The following PHF8 variants were observed in gnomAD, a reference collection of about 807,000 sequenced individuals.
The protein encoded by PHF8 is PHD finger protein 8, also known as histone lysine demethylase PHF8.
Under a neutral mutation model 74.4 loss-of-function variants are expected in PHF8, and 9 were observed. That is an observed-to-expected ratio of 0.12 (90% CI 0.07 to 0.21). The LOEUF is 0.21. Ranked by LOEUF, PHF8 falls within the 10% of genes least tolerant of loss-of-function variation. The pLI is 1.00. For synonymous variants in PHF8, 311 were observed against 316.6 expected, an observed-to-expected ratio of 0.98 and a Z score of 0.19; for missense variants, 478 against 816.6, an observed-to-expected ratio of 0.59 and a Z score of 5.05.
chrX:54,023,414 A>G (rs1344733424), intron 2 of PHF8, among the ~76,000 whole-genome samples: 2 of 111,678 alleles, frequency 1.8e-5, no homozygotes, highest in Admixed American at 1.9e-4. Flanking sequence ...ATTTCCTACA[A>G]TAAACATCTG....
At chrX:54,037,794 G>T (rs1557114818) in intron 2 of PHF8, among the ~76,000 whole-genome samples, 1 of 112,480 alleles carries the variant, frequency 8.9e-6, no homozygotes, top group African/African-American at 3.2e-5. Context: ...AGGCGAAGTG[G>T]TTAGCATAGT....
chrX:53,998,463 TAAATA>T (rs373368055), intron 11 of PHF8, among the ~76,000 whole-genome samples: 38 of 109,163 alleles, frequency 3.5e-4, no homozygotes, highest in Middle Eastern at 9.3e-3. Flanking sequence ...CATAAATAAA[TAAATA>T]AAATAAAATA....
At chrX:53,964,449 G>A (rs1349766087) in intron 18 of PHF8, among the ~76,000 whole-genome samples, 1 of 111,618 alleles carries the variant, frequency 9.0e-6, no homozygotes, top group Non-Finnish European at 1.9e-5. Context: ...TTAAAAAAAG[G>A]AAAGCTATCA....
At chrX:54,029,894 C>G (rs370020633) in intron 2 of PHF8, among the ~76,000 whole-genome samples, 2 of 111,642 alleles carry the variant, frequency 1.8e-5, no homozygotes, top group African/African-American at 6.5e-5. Context: ...CACCACAGAA[C>G]ATTAAACCTC....
At chrX:54,007,747 A>C (rs1173654302) in intron 8 of PHF8, among the ~76,000 whole-genome samples, 2 of 112,413 alleles carry the variant, frequency 1.8e-5, no homozygotes, top group African/African-American at 6.5e-5. Context: ...AAGAGACAGC[A>C]ATAAGCATTG....
In PHF8 at chrX:53,938,810, C is replaced by A. The variant is rs1173681565; in HGVS notation, c.*348G>T. ...CTTCATGGCTCAGGCTCCTTCATAC[C>A]TCTCCTCATCCTGCCTTCCAGCTCT... On this transcript the variant is annotated 3_prime_UTR_variant, in exon 22 of 22. Coordinates refer to ENST00000338154, the MANE Select transcript of PHF8 (RefSeq NM_015107.3). 10 of 805,104 alleles carry A rather than the reference C, an allele frequency of 1.2e-5. No individual in the cohort carries two copies. The highest frequency in any genetic ancestry group is 1.5e-5 in the Non-Finnish European group (10 of 673,106). The allele number at this position is 805,104 out of a possible 1,213,427, so 66.3% of individuals were successfully genotyped here.
intron 18 of PHF8, among the ~76,000 whole-genome samples, chrX:53,963,965 G>C (rs782275454): frequency 6.3e-5 from 7 of 111,959 alleles, no homozygotes; most frequent in Non-Finnish European, 1.3e-4. Flanking sequence ...GTACACAATA[G>C]CAAAGACTTG....
intron 14 of PHF8, among the ~76,000 whole-genome samples, chrX:53,989,833 T>C (rs1303280467): frequency 2.7e-5 from 3 of 112,207 alleles, no homozygotes; most frequent in East Asian, 2.8e-4. Context: ...GCTTGATCCA[T>C]GGCAACTGCT....
At chrX:53,988,610 C>T (rs1419985451) in intron 14 of PHF8, among the ~76,000 whole-genome samples, 1 of 107,905 alleles carries the variant, frequency 9.3e-6, no homozygotes, top group Non-Finnish European at 1.9e-5. Flanking sequence ...GGATTTGTAT[C>T]CAAAAAAAAA....
At position 53,940,210 on chromosome X, in the gene PHF8, C is replaced by T; in HGVS notation, c.2956G>A (p.Val986Ile). 8.4e-7 allele frequency: 1 copy of T among 1,186,797 alleles called. No individual in the cohort carries two copies. Among genetic ancestry groups the T allele is most frequent in the Non-Finnish European group, 1.1e-6 (1 of 882,561 alleles). The change falls in exon 21 of 22, where the codon GTT becomes ATT. Residue 986 changes from valine to isoleucine, a missense_variant. Coordinates refer to ENST00000338154, the MANE Select transcript of PHF8 (RefSeq NM_015107.3). ...GVFLTQRRPS[V>I]GSQSNQAGQG... Reference sequence around the variant, plus strand: ...CCTGCCTGATTGCTCTGGGAGCCAACTGAAGGGCGCCGCTGGGTCAAGAAG... The same window carrying T: ...CCTGCCTGATTGCTCTGGGAGCCAATTGAAGGGCGCCGCTGGGTCAAGAAG...
At chrX:53,941,827 T>C (rs1304857402) in intron 20 of PHF8, among the ~76,000 whole-genome samples, 1 of 111,854 alleles carries the variant, frequency 8.9e-6, no homozygotes, top group Admixed American at 9.5e-5. Flanking sequence ...ATGAAGAAAC[T>C]GTGGCACAGA....
At chrX:53,948,053 G>C (rs2064857569) in intron 19 of PHF8, among the ~76,000 whole-genome samples, 1 of 111,611 alleles carries the variant, frequency 9.0e-6, no homozygotes, top group Non-Finnish European at 1.9e-5. Context: ...CCAAATTCCT[G>C]ACCCACAGAA....
intron 8 of PHF8, among the ~76,000 whole-genome samples, chrX:54,004,605 C>T (rs1354707365): frequency 1.8e-5 from 2 of 111,177 alleles, no homozygotes; most frequent in Admixed American, 1.9e-4. Context: ...AAGAAATACA[C>T]AAGAAACAAA....
At chrX:53,954,499 C>CAAAAAAAAAAAAAAAAAAAAAAAAAAAA (rs1180184175) in intron 19 of PHF8, among the ~76,000 whole-genome samples, 1 of 13,126 alleles carries the variant, frequency 7.6e-5, no homozygotes, top group Non-Finnish European at 1.4e-4. Context: ...GACTCTGTCT[C>CAAAAAAAAAAAAAAAAAAAAAAAAAAAA]AAAAAAAAAA....
At chrX:54,018,901 T>G (rs2066118843) in intron 4 of PHF8, among the ~76,000 whole-genome samples, 1 of 111,848 alleles carries the variant, frequency 8.9e-6, no homozygotes, top group African/African-American at 3.2e-5. Flanking sequence ...ATTACAGGCA[T>G]GAGCCACTGT....
At position 53,938,911 on chromosome X, in the gene PHF8, G is replaced by T; in HGVS notation, c.*247C>A. On this transcript the variant is annotated 3_prime_UTR_variant, in exon 22 of 22. Coordinates refer to ENST00000338154, the MANE Select transcript of PHF8 (RefSeq NM_015107.3). ...TGGACGAGTAGAAAAGAGGGTTCTA[G>T]TCAGCTGGAAACCTCTCCCATTTAC... The T allele has an allele frequency of 1.0e-6, 1 of 958,600 alleles. No homozygotes were observed. The highest frequency in any genetic ancestry group is 1.3e-6 in the Non-Finnish European group (1 of 767,107). The allele number at this position is 958,600 out of a possible 1,213,427, so 79.0% of individuals were successfully genotyped here. A position where few individuals can be genotyped will look rare whatever the true frequency, so the allele number is the denominator to read the frequency against.
chrX:54,014,101 G>A lies in PHF8; in HGVS notation c.783+276C>T, dbSNP rs188099384. On this transcript the variant is annotated intron_variant, in intron 7 of 21. Coordinates refer to ENST00000338154, the MANE Select transcript of PHF8 (RefSeq NM_015107.3). ...CTCCCAAGTAGCTGGGACTACAGGC[G>A]CCTGCCACCAAGCCCGGCTAATTTT... 1.2e-4 allele frequency among the ~76,000 whole-genome samples: 13 copies of A among 109,370 alleles called. No homozygotes were observed. The East Asian group carries it at 2.6e-3, about 22-fold the overall frequency. The allele number at this position is 109,370 out of a possible 115,157, so 95.0% of individuals were successfully genotyped here.
At chrX:53,962,769 T>G (rs1210071549) in intron 19 of PHF8, 75 bp downstream of exon 19, 5 of 601,003 alleles carry the variant, frequency 8.3e-6, no homozygotes, top group Non-Finnish European at 1.5e-5. Flanking sequence ...TCTTCTGATA[T>G]TAAATATCCC....
At chrX:54,001,791 C>T (rs2065831393) in intron 10 of PHF8, among the ~76,000 whole-genome samples, 1 of 110,146 alleles carries the variant, frequency 9.1e-6, no homozygotes, top group Non-Finnish European at 1.9e-5. Context: ...GGGCCCATGC[C>T]TGTAGTCTTA....
Sources: gnomAD v4.1 joint callset for allele counts (sites outside exome capture counted in the v4.1 genomes callset) on GRCh38, gnomAD v4.1.1 for gene constraint, MANE v1.5 for transcripts, NCBI Gene and HGNC (gene_info 2026-07-23, HGNC 2026-07-21) for gene names.